The following FBN3 variants were observed in gnomAD, a reference collection of about 807,000 sequenced individuals.
FBN3 encodes the protein fibrillin 3, also known as fibrillin-3.
In FBN3, 234 loss-of-function variants were observed where a neutral mutation model predicts 330.1. The ratio of observed to expected loss-of-function variants is 0.71; its 90% CI spans 0.64 to 0.79. FBN3 has a LOEUF of 0.79. FBN3 is among the 30% of genes least tolerant of loss of function. The pLI, the probability that FBN3 is intolerant of heterozygous loss-of-function variation, is 0.00. For synonymous variants in FBN3, 1,458 were observed against 1,517.3 expected, an observed-to-expected ratio of 0.96 and a Z score of 0.91; for missense variants, 3,606 against 3,886.9, an observed-to-expected ratio of 0.93 and a Z score of 1.92.
At chr19:8,111,262 TG>T (rs1255544217) in intron 32 of FBN3, 79 bp from the exon 33 acceptor site, 4 of 1,486,684 alleles carry the variant, frequency 2.7e-6, no homozygotes, top group Non-Finnish European at 3.6e-6. Flanking sequence ...CCCCAGTCAC[TG>T]GAACACTTCG....
At chr19:8,111,586 G>A (rs2082584209) in intron 32 of FBN3, 62 bp downstream of exon 32, 18 of 1,362,634 alleles carry the variant, frequency 1.3e-5, no homozygotes, top group South Asian at 9.0e-5. Context: ...GGCAGCCACC[G>A]TGAATTCAGC....
At chr19:8,086,774 T>C (rs2081973021) in intron 54 of FBN3, among the ~76,000 whole-genome samples, 1 of 151,670 alleles carries the variant, frequency 6.6e-6, no homozygotes, top group South Asian at 2.1e-4. Context: ...AGCCTTATTT[T>C]CATTTTTATT....
At chr19:8,112,637 G>A (rs2082616801) in intron 30 of FBN3, among the ~76,000 whole-genome samples, 1 of 152,148 alleles carries the variant, frequency 6.6e-6, no homozygotes, top group Non-Finnish European at 1.5e-5. Flanking sequence ...GCGACAGAGT[G>A]AGACTCCGTC....
intron 56 of FBN3, among the ~76,000 whole-genome samples, chr19:8,084,936 G>C (rs970595950): frequency 6.6e-6 from 1 of 152,050 alleles, no homozygotes; most frequent in African/African-American, 2.4e-5. Flanking sequence ...ACCCAGGCTG[G>C]AGTGCAGTGG....
intron 61 of FBN3, among the ~76,000 whole-genome samples, chr19:8,074,473 G>C (rs943700874): frequency 2.0e-5 from 3 of 152,130 alleles, no homozygotes; most frequent in African/African-American, 7.2e-5. Flanking sequence ...GTGGTGCCCA[G>C]AGCAGTGGAG....
Position 8,085,419 on chromosome 19 carries a change from G to T in FBN3, c.7031C>A (p.Thr2344Asn), listed in dbSNP as rs1281793227. The change falls in exon 56 of 64, where the codon ACC (threonine) becomes AAC (asparagine). Residue 2344 changes from threonine to asparagine, a missense_variant. Coordinates refer to ENST00000600128, the MANE Select transcript of FBN3 (RefSeq NM_032447.5). The part of the protein sequence containing the change: ...PRCELCPLPG[T>N]SAYRKLCPHG... ...GGGGCACAGCTTCCTGTAGGCAGAG[G>T]TGCCGGGCAGGGGACAGAGCTCGCA... The T allele has an allele frequency of 1.3e-6, 2 of 1,578,010 alleles. No homozygotes were observed. Among genetic ancestry groups the T allele is most frequent in the Admixed American group, 1.9e-5 (1 of 52,856 alleles).
intron 63 of FBN3, among the ~76,000 whole-genome samples, chr19:8,071,549 GC>G (rs1467429000): frequency 6.6e-6 from 1 of 152,194 alleles, no homozygotes; most frequent in African/African-American, 2.4e-5. Context: ...TGTGAGAACA[GC>G]CCAGAGGGAT....
intron 13 of FBN3, 25 bp downstream of exon 13, chr19:8,135,936 G>GGGGGGGCCCCC: frequency 1.5e-6 from 1 of 668,778 alleles, no homozygotes; most frequent in Non-Finnish European, 2.4e-6. Flanking sequence ...GGAAGCCCCT[G>GGGGGGGCCCCC]CCCACCCGCC....
At position 8,075,201 on chromosome 19, in the gene FBN3, G is replaced by C. The variant is rs1318695348; in HGVS notation, c.7583-11C>G. On this transcript the variant is annotated splice_polypyrimidine_tract_variant and intron_variant, in intron 60 of 63. Coordinates refer to ENST00000600128, the MANE Select transcript of FBN3 (RefSeq NM_032447.5). ...CACATTCATTCACATCTGAGACATA[G>C]AGAGAGGGAGAGAGGGTTTACCAGA... 1.3e-6 allele frequency: 2 copies of C among 1,566,728 alleles called. No homozygotes were observed. Among genetic ancestry groups the C allele is most frequent in the Non-Finnish European group, 1.7e-6 (2 of 1,152,532 alleles).
intron 39 of FBN3, among the ~76,000 whole-genome samples, 159 bp downstream of exon 39, chr19:8,103,403 C>T (rs760480488): frequency 2.6e-5 from 4 of 151,988 alleles, no homozygotes; most frequent in Non-Finnish European, 4.4e-5. Flanking sequence ...CATGGCAGCT[C>T]TGGGCTCCTG....
chr19:8,112,699 C>T (rs572478799), intron 30 of FBN3, among the ~76,000 whole-genome samples: 17 of 152,230 alleles, frequency 1.1e-4, no homozygotes, highest in African/African-American at 2.9e-4. Context: ...CGTATGAACA[C>T]GCCCCTTTTC....
At position 8,087,352 on chromosome 19, in the gene FBN3, G is replaced by A. The variant is rs565381824; in HGVS notation, c.6620-141C>T. The A allele has an allele frequency of 7.0e-5, 67 of 959,268 alleles. No homozygotes were observed. In the South Asian group the frequency reaches 1.1e-3, roughly 16 times the overall value. 59.4% of individuals were successfully genotyped at this position (959,268 alleles called of 1,614,324 possible). Reference sequence around the variant, plus strand: ...GTCAAATGTCTATCCCTCTTAGGAAGGGAGCCCCCAGCTCCTGCCCAGCCC... The same window carrying A: ...GTCAAATGTCTATCCCTCTTAGGAAAGGAGCCCCCAGCTCCTGCCCAGCCC... On this transcript the variant is annotated intron_variant, in intron 53 of 63. Coordinates refer to ENST00000600128, the MANE Select transcript of FBN3 (RefSeq NM_032447.5).
chr19:8,081,400 G>T lies in FBN3; in HGVS notation c.7294C>A (p.Pro2432Thr), dbSNP rs759884214. The change falls in exon 58 of 64, where the codon CCC becomes ACC. Residue 2432 changes from proline to threonine, a missense_variant. Physicochemically the swap from Pro to Thr is conservative, Grantham distance 38. Coordinates refer to ENST00000600128, the MANE Select transcript of FBN3 (RefSeq NM_032447.5). ...TCCTCCTCCAGCAGGTAGCCTCGGG[G>T]ACAGCTGCACAGGAAACTGCCCTTC... is the stretch of plus-strand genomic sequence containing the variant. The part of the protein sequence containing the change: ...NTKGSFLCSC[P>T]RGYLLEEDGR... The T allele has an allele frequency of 8.7e-6, 14 of 1,612,200 alleles. No individual in the cohort carries two copies. Among genetic ancestry groups the T allele is most frequent in the Non-Finnish European group, 1.2e-5 (14 of 1,179,038 alleles).
intron 3 of FBN3, 78 bp downstream of exon 3, chr19:8,147,025 TA>T: frequency 7.6e-7 from 1 of 1,324,052 alleles, no homozygotes; most frequent in Non-Finnish European, 1.0e-6. Context: ...AGTCCCCGTG[TA>T]AACAGAGCTG....
chr19:8,096,848 G>T lies in FBN3; in HGVS notation c.5413+33C>A. The T allele has an allele frequency of 6.2e-7, 1 of 1,607,542 alleles. No homozygotes were observed. Among genetic ancestry groups the T allele is most frequent in the Non-Finnish European group, 8.5e-7 (1 of 1,178,520 alleles). On this transcript the variant is annotated intron_variant, in intron 43 of 63. Coordinates refer to ENST00000600128, the MANE Select transcript of FBN3 (RefSeq NM_032447.5). The surrounding 1 kb of genome is among the most constrained non-coding windows in gnomAD (Gnocchi z 4.6). The stretch of plus-strand genomic sequence containing the variant: ...AAGTCCCCATGGGTGACAGAGCCCA[G>T]CTCCCTCACCTCCTCCCAGGGACCC...
At position 8,147,351 on chromosome 19, in the gene FBN3, G is replaced by A. The variant is rs752049859; in HGVS notation, c.130C>T (p.Arg44Cys). 19 of 1,602,066 alleles carry A rather than the reference G, an allele frequency of 1.2e-5. No homozygotes were observed. Among genetic ancestry groups the A allele is most frequent in the African/African-American group, 2.7e-5 (2 of 74,930 alleles). ...CCTGGGCTGCCCCGCCTCCGCACAC[G>A]TCCAGGACCTGCAGCCTCCAAGGCC... ...DGALEAAGPGRVRRRGSPGIL... is the reference protein window; with the variant it reads ...DGALEAAGPGCVRRRGSPGIL... Residue 44 changes from arginine (R) to cysteine (C), a missense_variant, in exon 2 of 64, where the codon CGT becomes TGT. Physicochemically the swap from Arg to Cys is radical, Grantham distance 180. Transcript: ENST00000600128.
chr19:8,099,381 C>T (rs1295111202), intron 41 of FBN3, among the ~76,000 whole-genome samples: 4 of 147,534 alleles, frequency 2.7e-5, no homozygotes, highest in Admixed American at 7.0e-5. Context: ...CCTGGGTTCA[C>T]GCCATTCTCC....
chr19:8,081,582 G>A, intron 57 of FBN3, 102 bp from the exon 58 acceptor site: 6 of 1,322,170 alleles, frequency 4.5e-6, no homozygotes, highest in Non-Finnish European at 6.2e-6. Flanking sequence ...TCTGAAATCT[G>A]TGGACTTACA....
intron 63 of FBN3, 49 bp from the exon 64 acceptor site, chr19:8,066,309 G>A: frequency 7.3e-7 from 1 of 1,369,734 alleles, no homozygotes; most frequent in Non-Finnish European, 9.8e-7. Context: ...GAATCGGGAT[G>A]TGGTGTGGGT....
Sources: gnomAD v4.1 joint callset for allele counts (sites outside exome capture counted in the v4.1 genomes callset) on GRCh38, gnomAD v4.1.1 for gene constraint, Gnocchi (gnomAD v3.1) non-coding constraint, MANE v1.5 for transcripts, NCBI Gene and HGNC (gene_info 2026-07-23, HGNC 2026-07-21) for gene names.